Variants in CAST observed in about 807,000 individuals in gnomAD.
The protein encoded by CAST is MIR583 host.
Under a neutral mutation model 119.6 loss-of-function variants are expected in CAST, and 76 were observed. That is an observed-to-expected ratio of 0.64 (90% CI 0.53 to 0.77). The LOEUF is 0.77. Ranked by LOEUF, CAST falls within the 30% of genes least tolerant of loss-of-function variation. CAST has a pLI of 0.00. For missense variants in CAST, 953 were observed against 946.5 expected (o/e 1.01, Z -0.09); for synonymous variants, 319 against 331.6 (o/e 0.96, Z 0.41).
rs574205006 is a variant in CAST, at chr5:96,598,197, G to A, written c.60+68317G>A. Among the ~76,000 whole-genome samples the A allele has an allele frequency of 2.0e-5, 3 of 152,264 alleles. No homozygotes were observed. The South Asian group carries it at 6.2e-4, about 32-fold the overall frequency. On this transcript the variant is annotated intron_variant, in intron 1 of 11. Transcript: ENST00000505143. ...AAGCTCTGGCTCCTCTGCCTAATGA[G>A]GGCTTACACTCAGCCTACAGGAAAA...
At chr5:96,397,045 T>C in the CAST span, among the ~76,000 whole-genome samples, 8 of 152,236 alleles carry the variant, frequency 5.3e-5, no homozygotes, top group Non-Finnish European at 8.8e-5. Context: ...ATAGGTTAGA[T>C]GGCTGGCTGC....
At chr5:96,069,551 G>A in the CAST span, among the ~76,000 whole-genome samples, 2 of 151,548 alleles carry the variant, frequency 1.3e-5, no homozygotes, top group African/African-American at 4.9e-5. Context: ...TGGTGCAATC[G>A]TAGCTCACGG....
the CAST span, among the ~76,000 whole-genome samples, chr5:95,966,574 A>T: frequency 6.7e-6 from 1 of 148,778 alleles, no homozygotes; most frequent in African/African-American, 2.5e-5. Context: ...CTGGTTATTT[A>T]AAAAAAAAAA....
the CAST span, among the ~76,000 whole-genome samples, chr5:96,076,408 T>C: frequency 6.6e-6 from 1 of 152,212 alleles, no homozygotes; most frequent in African/African-American, 2.4e-5. Flanking sequence ...AGTAGAACAG[T>C]TGGAATTTAT....
chr5:96,080,506 G>A, the CAST span, among the ~76,000 whole-genome samples: 1 of 152,196 alleles, frequency 6.6e-6, no homozygotes, highest in South Asian at 2.1e-4. Flanking sequence ...TCTGAATTTA[G>A]TCTTAATTTG....
chr5:96,548,327 G>C (rs1274217090), intron 1 of CAST, among the ~76,000 whole-genome samples: 1 of 152,094 alleles, frequency 6.6e-6, no homozygotes, highest in Non-Finnish European at 1.5e-5. Context: ...TCTCCACTGT[G>C]GTAACTCAAG....
chr5:96,150,615 T>C, the CAST span, among the ~76,000 whole-genome samples: 1 of 152,168 alleles, frequency 6.6e-6, no homozygotes, highest in African/African-American at 2.4e-5. Context: ...CCTTCCATAG[T>C]TGACTGGGTA....
At chr5:96,616,179 G>T (rs145041849) in intron 1 of CAST, among the ~76,000 whole-genome samples, 1,558 of 152,268 alleles carry the variant, frequency 0.01, 34 homozygotes, top group East Asian at 0.054. Flanking sequence ...ATACACCCAG[G>T]ATCGATACTT....
chr5:96,197,951 G>T, the CAST span, among the ~76,000 whole-genome samples: 1 of 152,140 alleles, frequency 6.6e-6, no homozygotes, highest in South Asian at 2.1e-4. Flanking sequence ...TAGAGATGGG[G>T]TCTCACTATA....
rs1253142176 is a variant in CAST, at chr5:96,574,214, C to T, written c.60+44334C>T. Among the ~76,000 whole-genome samples, 30 of 30,708 alleles carry T rather than the reference C, an allele frequency of 9.8e-4. 12 individuals are homozygous for T. Among genetic ancestry groups the T allele is most frequent in the Middle Eastern group, 0.029 (2 of 70 alleles). 20.1% of individuals were successfully genotyped at this position (30,708 alleles called of 152,430 possible). A position where few individuals can be genotyped will look rare whatever the true frequency, so the allele number is the denominator to read the frequency against. On this transcript the variant is annotated intron_variant, in intron 1 of 11. Transcript: ENST00000505143. ...CTGGGACTACAGGCGCCCGCCACCG[C>T]GCCCGGCTAATTTTTTGTATTTTTA...
At chr5:96,464,721 C>CA in the CAST span, among the ~76,000 whole-genome samples, 3 of 151,908 alleles carry the variant, frequency 2.0e-5, no homozygotes, top group Non-Finnish European at 4.4e-5. Context: ...TCTATTCTTC[C>CA]AAAAAAGTGC....
At chr5:96,335,542 G>A in the CAST span, among the ~76,000 whole-genome samples, 4 of 152,030 alleles carry the variant, frequency 2.6e-5, no homozygotes, top group Non-Finnish European at 4.4e-5. Flanking sequence ...TTAGCCTACC[G>A]CTCTTCTCAT....
intron 1 of CAST, among the ~76,000 whole-genome samples, chr5:96,570,941 C>T (rs1178804452): frequency 6.6e-6 from 1 of 152,154 alleles, no homozygotes; most frequent in Non-Finnish European, 1.5e-5. Context: ...GTCTGGTGCT[C>T]TCTCATAAGT....
At chr5:96,443,168 C>T in the CAST span, among the ~76,000 whole-genome samples, 3 of 152,200 alleles carry the variant, frequency 2.0e-5, no homozygotes, top group African/African-American at 7.2e-5. Flanking sequence ...TGATCCTTTG[C>T]TCATGCATAC....
At position 96,542,467 on chromosome 5, in the gene CAST, T is replaced by C. The variant is rs769761712; in HGVS notation, c.60+12587T>C. 2.6e-5 allele frequency among the ~76,000 whole-genome samples: 4 copies of C among 152,210 alleles called. No homozygotes were observed. In the South Asian group the frequency reaches 8.3e-4, roughly 32 times the overall value. On this transcript the variant is annotated intron_variant, in intron 1 of 11. Coordinates refer to the CAST transcript ENST00000505143. ...TTTGGTATTGTCAGTTTTTTTATTTTAGCTATTCTAATGGGTGTGTAGTGG... is the reference window on the plus strand; with the variant it reads ...TTTGGTATTGTCAGTTTTTTTATTTCAGCTATTCTAATGGGTGTGTAGTGG...
chr5:96,049,502 G>T, the CAST span, among the ~76,000 whole-genome samples: 1 of 152,216 alleles, frequency 6.6e-6, no homozygotes, highest in Non-Finnish European at 1.5e-5. Context: ...TAAAGAGGTA[G>T]ATTGTACAAG....
At chr5:96,618,714 G>A (rs1240975867) in intron 1 of CAST, among the ~76,000 whole-genome samples, 1 of 152,032 alleles carries the variant, frequency 6.6e-6, no homozygotes, top group African/African-American at 2.4e-5. Context: ...CCCTCAAATA[G>A]CTCGCATTCT....
intron 1 of CAST, among the ~76,000 whole-genome samples, chr5:96,619,695 G>A (rs1433510795): frequency 6.6e-6 from 1 of 151,978 alleles, no homozygotes; most frequent in African/African-American, 2.4e-5. Flanking sequence ...AACTCCGAAC[G>A]CATCCAAACA....
the CAST span, among the ~76,000 whole-genome samples, chr5:96,394,416 C>G: frequency 3.9e-5 from 6 of 152,118 alleles, no homozygotes; most frequent in African/African-American, 1.4e-4. Context: ...AAAAAGAAGC[C>G]TACATGATTT....
Sources: gnomAD v4.1 joint callset for allele counts (sites outside exome capture counted in the v4.1 genomes callset) on GRCh38, gnomAD v4.1.1 for gene constraint, MANE v1.5 for transcripts, NCBI Gene and HGNC (gene_info 2026-07-23, HGNC 2026-07-21) for gene names.